Variants in CAMK1G observed in about 807,000 individuals in gnomAD.
CAMK1G encodes the protein calcium/calmodulin-dependent protein kinase type 1G.
Under a neutral mutation model 54.8 loss-of-function variants are expected in CAMK1G, and 27 were observed. That is an observed-to-expected ratio of 0.49 (90% CI 0.36 to 0.68). The LOEUF is 0.68. Ranked by LOEUF, CAMK1G falls within the 30% of genes least tolerant of loss-of-function variation. The pLI, the probability that CAMK1G is intolerant of heterozygous loss-of-function variation, is 0.00. For missense variants in CAMK1G, 512 were observed against 591.0 expected, an observed-to-expected ratio of 0.87 and a Z score of 1.39; for synonymous variants, 238 against 224.9, an observed-to-expected ratio of 1.06 and a Z score of -0.52.
chr1:209,596,603 C>T (rs1179906347), intron 2 of CAMK1G, among the ~76,000 whole-genome samples: 12 of 151,682 alleles, frequency 7.9e-5, no homozygotes, highest in Admixed American at 7.2e-4. Flanking sequence ...TACCCACCAT[C>T]TAAATTCAAC....
At chr1:209,596,659 CACCACACACACACACACA>C (rs987088134) in intron 2 of CAMK1G, among the ~76,000 whole-genome samples, 8 of 124,824 alleles carry the variant, frequency 6.4e-5, no homozygotes, top group African/African-American at 2.3e-4. Context: ...ATCACACACA[CACCACACACACACACACA>C]CACACACACA....
rs2223396 is a variant in CAMK1G at position 209,591,411 on chromosome 1, C to T, written c.-29-3544C>T. On this transcript the variant is annotated intron_variant, in intron 1 of 12. Coordinates refer to ENST00000361322, the MANE Select transcript of CAMK1G (RefSeq NM_020439.3). ...TATATAGCCAGGTTGCAAGTTGACA[C>T]ATTATTAAAATGTACACCAAAAAAA... Among the ~76,000 whole-genome samples, 914 of 152,300 alleles carry T rather than the reference C, an allele frequency of 6.0e-3. 7 individuals carry two copies. Among genetic ancestry groups the T allele is most frequent in the African/African-American group, 0.021 (877 of 41,544 alleles).
At chr1:209,608,689 T>C (rs1222730501) in intron 7 of CAMK1G, among the ~76,000 whole-genome samples, 1 of 152,216 alleles carries the variant, frequency 6.6e-6, no homozygotes, top group Non-Finnish European at 1.5e-5. Context: ...ACATATTTTA[T>C]ATAGCATTCA....
intron 4 of CAMK1G, 43 bp from the exon 5 acceptor site, chr1:209,605,493 G>A (rs1665626461): frequency 6.3e-7 from 1 of 1,598,558 alleles, no homozygotes; most frequent in Non-Finnish European, 8.5e-7. Flanking sequence ...ATTACTTTGA[G>A]TGAAATGAGA....
rs141955372 is a variant in CAMK1G at position 209,608,031 on chromosome 1, G to A, written c.635+98G>A. On this transcript the variant is annotated intron_variant, in intron 7 of 12. Transcript: ENST00000361322. The stretch of plus-strand genomic sequence containing the variant: ...CTGTCTCAGCTCCTCCTCCAAGCAC[G>A]TGCATGTGCACAAACAGACACAGGC... 2.8e-4 allele frequency: 239 copies of A among 868,534 alleles called. No individual in the cohort carries two copies. In the African/African-American group the frequency reaches 3.5e-3, roughly 13 times the overall value. 53.8% of individuals were successfully genotyped at this position (868,534 alleles called of 1,614,324 possible). A position where few individuals can be genotyped will look rare whatever the true frequency, so the allele number is the denominator to read the frequency against.
At chr1:209,588,171 T>C (rs1445041713) in intron 1 of CAMK1G, among the ~76,000 whole-genome samples, 2 of 152,144 alleles carry the variant, frequency 1.3e-5, no homozygotes, top group Non-Finnish European at 2.9e-5. Context: ...GCTCTTCCCA[T>C]GGGTAGAATT....
At chr1:209,610,206 T>A (rs1665748951) in intron 9 of CAMK1G, among the ~76,000 whole-genome samples, 1 of 152,162 alleles carries the variant, frequency 6.6e-6, no homozygotes, top group Non-Finnish European at 1.5e-5. Context: ...TAGGGTGCAA[T>A]GTTCAGTACT....
chr1:209,604,387 C>T (rs2102391271), intron 4 of CAMK1G, among the ~76,000 whole-genome samples: 1 of 152,274 alleles, frequency 6.6e-6, no homozygotes, highest in Non-Finnish European at 1.5e-5. Flanking sequence ...CCTGAGGAGA[C>T]ACTAAGCCTC....
intron 9 of CAMK1G, 75 bp downstream of exon 9, chr1:209,610,004 A>G (rs1362696280): frequency 1.7e-6 from 2 of 1,178,208 alleles, no homozygotes; most frequent in Middle Eastern, 1.9e-4. Context: ...TTCATATTGC[A>G]TTTCCCTGGA....
rs758238601 is a variant in CAMK1G at position 209,609,101 on chromosome 1, A to C, written c.748+9A>C. 6.2e-7 allele frequency: 1 copy of C among 1,614,140 alleles called. No homozygotes were observed. Among genetic ancestry groups the C allele is most frequent in the Admixed American group, 1.7e-5 (1 of 60,026 alleles). On this transcript the variant is annotated intron_variant, in intron 8 of 12. Transcript: ENST00000361322. ...TGACATTTCTGAGTCAGGTAAGGCCAGTAGGCATGAAGGAGAGATAACAGG... is the reference window on the plus strand; with the variant it reads ...TGACATTTCTGAGTCAGGTAAGGCCCGTAGGCATGAAGGAGAGATAACAGG...
intron 1 of CAMK1G, among the ~76,000 whole-genome samples, chr1:209,592,112 G>A (rs891376531): frequency 1.3e-5 from 2 of 151,976 alleles, no homozygotes; most frequent in Non-Finnish European, 2.9e-5. Flanking sequence ...ATTGGGGGGC[G>A]AAGATGGGAG....
intron 2 of CAMK1G, among the ~76,000 whole-genome samples, chr1:209,598,086 C>T (rs760022568): frequency 4.6e-5 from 7 of 152,136 alleles, no homozygotes; most frequent in Admixed American, 2.6e-4. Context: ...GAGATTCTAA[C>T]GTGAACAATC....
intron 7 of CAMK1G, 58 bp from the exon 8 acceptor site, chr1:209,608,922 G>A (rs947729068): frequency 1.9e-6 from 3 of 1,603,192 alleles, no homozygotes; most frequent in African/African-American, 1.3e-5. Flanking sequence ...GAGCAGAGAG[G>A]CTGGCTCAGG....
intron 2 of CAMK1G, 97 bp from the exon 3 acceptor site, chr1:209,599,886 T>C: frequency 7.0e-7 from 1 of 1,431,558 alleles, no homozygotes; most frequent in Non-Finnish European, 9.5e-7. Flanking sequence ...GTCAGAGGAC[T>C]ATATAGACTC....
intron 8 of CAMK1G, 103 bp from the exon 9 acceptor site, chr1:209,609,748 T>C (rs1665737200): frequency 1.8e-6 from 2 of 1,124,170 alleles, no homozygotes; most frequent in Non-Finnish European, 2.7e-6. Flanking sequence ...CTTTGGAAGA[T>C]CAGCTAAAGA....
intron 2 of CAMK1G, among the ~76,000 whole-genome samples, chr1:209,599,399 A>G (rs1485802500): frequency 6.6e-6 from 1 of 152,198 alleles, no homozygotes; most frequent in African/African-American, 2.4e-5. Context: ...GCCCAGATTC[A>G]CCTCTTGTTC....
chr1:209,596,661 CCACACACACACACACA>C lies in CAMK1G; in HGVS notation c.92+1612_92+1627del, dbSNP rs55936082. Among the ~76,000 whole-genome samples the C allele has an allele frequency of 6.2e-3, 926 of 148,198 alleles. 11 individuals carry two copies. The highest frequency in any genetic ancestry group is 0.022 in the African/African-American group (861 of 39,990). The stretch of plus-strand genomic sequence containing the variant: ...GTATGTATTTTACATCACACACACA[CCACACACACACACACA>C]CACACACACACACACACACACACAC... On this transcript the variant is annotated intron_variant, in intron 2 of 12. Transcript: ENST00000361322.
chr1:209,585,135 G>T (rs1248282538), intron 1 of CAMK1G, among the ~76,000 whole-genome samples: 1 of 152,206 alleles, frequency 6.6e-6, no homozygotes, highest in Non-Finnish European at 1.5e-5. Context: ...TCTGGTGTGT[G>T]TGTGTGTGTG....
chr1:209,584,463 C>A (rs1665043999), intron 1 of CAMK1G, among the ~76,000 whole-genome samples: 1 of 152,142 alleles, frequency 6.6e-6, no homozygotes, highest in African/African-American at 2.4e-5. Flanking sequence ...TCCCCAGGGG[C>A]GCGTCTACCT....
Sources: gnomAD v4.1 joint callset for allele counts (sites outside exome capture counted in the v4.1 genomes callset) on GRCh38, gnomAD v4.1.1 for gene constraint, MANE v1.5 for transcripts, NCBI Gene and HGNC (gene_info 2026-07-23, HGNC 2026-07-21) for gene names.